The following MCOLN2 variants were observed in gnomAD, a reference collection of about 807,000 sequenced individuals.
The protein encoded by MCOLN2 is mucolipin TRP cation channel 2, also known as mucolipin-2.
In MCOLN2, 57 loss-of-function variants were observed where a neutral mutation model predicts 67.5. The observed-to-expected ratio is 0.84, with a 90% CI of 0.68 to 1.05. The LOEUF is 1.05. Among genes scored for constraint, MCOLN2 ranks in the 50% least tolerant of loss-of-function variants. The pLI, the probability that MCOLN2 is intolerant of heterozygous loss-of-function variation, is 0.00. For missense variants in MCOLN2, 620 were observed against 678.8 expected (o/e 0.91, Z 0.96); for synonymous variants, 246 against 233.3 (o/e 1.05, Z -0.50).
chr1:84,941,906 G>A (rs1647808733), intron 7 of MCOLN2, among the ~76,000 whole-genome samples: 2 of 152,154 alleles, frequency 1.3e-5, no homozygotes, highest in Admixed American at 1.3e-4. Flanking sequence ...TGTATGGGAA[G>A]GAGATGAATC....
intron 1 of MCOLN2, among the ~76,000 whole-genome samples, chr1:84,969,907 G>T (rs962273554): frequency 7.9e-5 from 12 of 152,188 alleles, no homozygotes; most frequent in African/African-American, 2.9e-4. Flanking sequence ...TGGTGGGAAA[G>T]CCCATAAGAG....
chr1:84,927,830 C>G (rs1347823657), intron 13 of MCOLN2, among the ~76,000 whole-genome samples: 1 of 152,190 alleles, frequency 6.6e-6, no homozygotes, highest in East Asian at 1.9e-4. Flanking sequence ...ACATTGCCCA[C>G]GCTGATCTCA....
rs544156628 is a variant in MCOLN2 at position 84,988,919 on chromosome 1, C to T, written c.77+7877G>A. On this transcript the variant is annotated intron_variant, in intron 1 of 13. Coordinates refer to ENST00000370608, the MANE Select transcript of MCOLN2 (RefSeq NM_153259.4). Reference sequence around the variant, plus strand: ...CCATTTCATCCACCCTACTGCTGTTCCCCCAGCTCTTTGTGTGTCTGGTTT... The same window carrying T: ...CCATTTCATCCACCCTACTGCTGTTTCCCCAGCTCTTTGTGTGTCTGGTTT... Among the ~76,000 whole-genome samples the T allele has an allele frequency of 3.9e-5, 6 of 152,282 alleles. No individual in the cohort carries two copies. In the East Asian group the frequency reaches 1.2e-3, roughly 29 times the overall value.
At position 84,958,596 on chromosome 1, in the gene MCOLN2, T is replaced by A. The variant is rs1486747384; in HGVS notation, c.344A>T (p.Asp115Val). 1 of 1,611,390 alleles carries A rather than the reference T, an allele frequency of 6.2e-7. No homozygotes were observed. The highest frequency in any genetic ancestry group is 1.3e-5 in the African/African-American group (1 of 74,854). The change falls in exon 3 of 14, where the codon GAT (aspartate) becomes GTT (valine). Residue 115 changes from aspartate to valine, a missense_variant. Asp to Val is a radical substitution (Grantham distance 152). Transcript: ENST00000370608. ...AGTATATACACTGCAGCTGTAGTCA[T>A]CTTCATCTGTACCAGAATATCCTTT... ...FLKGYSGTDE[D>V]DYSCSVYTQE... is the part of the protein sequence containing the mutation.
At chr1:84,983,840 C>T (rs1427392850) in intron 1 of MCOLN2, among the ~76,000 whole-genome samples, 1 of 151,954 alleles carries the variant, frequency 6.6e-6, no homozygotes, top group African/African-American at 2.4e-5. Context: ...CCACGCTCAG[C>T]TAATTTTTGT....
rs1647735470 is a variant in MCOLN2, at chr1:84,940,880, T to C, written c.959A>G (p.Lys320Arg). 2 of 1,607,598 alleles carry C rather than the reference T, an allele frequency of 1.2e-6. No individual in the cohort carries two copies. The highest frequency in any genetic ancestry group is 1.7e-5 in the Admixed American group (1 of 59,548). Residue 320 changes from lysine (K) to arginine (R), a missense_variant and splice_region_variant, in exon 8 of 14, where the codon AAG (lysine) becomes AGG (arginine). Transcript: ENST00000370608. ...RSIVLALRLR[K>R]RFLNFFLEKY... ...AAGAGAATGCGAACACACTCTTACCTTCCGTAACCTTAGAGCAAGAACAAT... is the reference window on the plus strand; with the variant it reads ...AAGAGAATGCGAACACACTCTTACCCTCCGTAACCTTAGAGCAAGAACAAT...
intron 6 of MCOLN2, among the ~76,000 whole-genome samples, chr1:84,947,567 T>C (rs1439572126): frequency 6.6e-6 from 1 of 152,178 alleles, no homozygotes; most frequent in Non-Finnish European, 1.5e-5. Flanking sequence ...GTGGTCCTCA[T>C]TATGGCCACA....
intron 4 of MCOLN2, 59 bp downstream of exon 4, chr1:84,956,372 G>A: frequency 9.7e-6 from 15 of 1,550,266 alleles, no homozygotes; most frequent in Non-Finnish European, 1.3e-5. Flanking sequence ...GCACATGAGG[G>A]CATTTCTGCT....
chr1:84,934,114 T>C (rs1647301218), intron 11 of MCOLN2, among the ~76,000 whole-genome samples: 1 of 152,184 alleles, frequency 6.6e-6, no homozygotes, highest in African/African-American at 2.4e-5. Context: ...CATAAGCCCC[T>C]GGAAAGCAGG....
intron 7 of MCOLN2, among the ~76,000 whole-genome samples, chr1:84,944,009 A>G (rs1159783602): frequency 6.6e-6 from 1 of 152,206 alleles, no homozygotes; most frequent in African/African-American, 2.4e-5. Flanking sequence ...TCTTGGGAAG[A>G]TAAGACTGAA....
intron 1 of MCOLN2, among the ~76,000 whole-genome samples, chr1:84,987,589 C>CATATGTAT (rs1557666045): frequency 1.4e-5 from 1 of 71,308 alleles, no homozygotes; most frequent in Admixed American, 1.7e-4. Flanking sequence ...TAGATATATA[C>CATATGTAT]ATATGTATAT....
At chr1:84,996,579 C>T (rs145392536) in intron 1 of MCOLN2, among the ~76,000 whole-genome samples, 2 of 151,842 alleles carry the variant, frequency 1.3e-5, no homozygotes, top group Non-Finnish European at 2.9e-5. Context: ...TCATAAAGGC[C>T]GAGGAACTGG....
At chr1:84,982,486 C>T (rs1209213730) in intron 1 of MCOLN2, among the ~76,000 whole-genome samples, 1 of 152,076 alleles carries the variant, frequency 6.6e-6, no homozygotes, top group Non-Finnish European at 1.5e-5. Context: ...TTAAAATGTT[C>T]ATTTTATCTG....
chr1:84,984,940 G>C (rs567099782), intron 1 of MCOLN2, among the ~76,000 whole-genome samples: 1 of 152,220 alleles, frequency 6.6e-6, no homozygotes, highest in African/African-American at 2.4e-5. Flanking sequence ...AGGCTGCAGT[G>C]AGCTGTGATC....
At chr1:84,948,347 G>A (rs1299224812) in intron 6 of MCOLN2, among the ~76,000 whole-genome samples, 1 of 152,196 alleles carries the variant, frequency 6.6e-6, no homozygotes, top group Admixed American at 6.5e-5. Flanking sequence ...GAGTACAACT[G>A]AACAAACTGC....
At chr1:84,950,282 A>T (rs1259037840) in intron 6 of MCOLN2, among the ~76,000 whole-genome samples, 6 of 152,258 alleles carry the variant, frequency 3.9e-5, no homozygotes, top group East Asian at 1.9e-4. Context: ...TAAATACAGG[A>T]TATCAGATAT....
chr1:84,947,357 T>C (rs1648171629), intron 6 of MCOLN2, among the ~76,000 whole-genome samples: 1 of 151,872 alleles, frequency 6.6e-6, no homozygotes, highest in African/African-American at 2.4e-5. Context: ...TAAACAACTA[T>C]ATTTTGACTG....
At chr1:84,973,816 C>T (rs1399909919) in intron 1 of MCOLN2, among the ~76,000 whole-genome samples, 2 of 152,222 alleles carry the variant, frequency 1.3e-5, no homozygotes, top group Admixed American at 1.3e-4. Context: ...GTAAGCAAAG[C>T]ACTTTCATAA....
chr1:84,950,883 G>A (rs1427698011), intron 6 of MCOLN2, among the ~76,000 whole-genome samples: 2 of 152,094 alleles, frequency 1.3e-5, no homozygotes, highest in East Asian at 1.9e-4. Context: ...TTTCCCCCAG[G>A]AGAGCCCCTA....
Sources: gnomAD v4.1 joint callset for allele counts (sites outside exome capture counted in the v4.1 genomes callset) on GRCh38, gnomAD v4.1.1 for gene constraint, MANE v1.5 for transcripts, NCBI Gene and HGNC (gene_info 2026-07-23, HGNC 2026-07-21) for gene names.